Variants in NBL1 observed in about 807,000 individuals in gnomAD.
NBL1 encodes the protein NBL1, DAN family BMP antagonist.
In NBL1, 9 loss-of-function variants were observed where a neutral mutation model predicts 16.0. The observed-to-expected ratio is 0.56, with a 90% CI of 0.34 to 0.98. The LOEUF (loss-of-function observed/expected upper bound fraction) is 0.98, where lower values mean the gene tolerates loss of function less well. NBL1 is among the 50% of genes least tolerant of loss of function. NBL1 has a pLI of 0.02. For synonymous variants in NBL1, 86 were observed against 100.7 expected (o/e 0.85, Z 0.87); for missense variants, 196 against 243.1 (o/e 0.81, Z 1.29).
rs1286374573 is a variant in NBL1, at chr1:19,644,367, C to T, written c.-99C>T. On this transcript the variant is annotated 5_prime_UTR_variant, in exon 1 of 4. Coordinates refer to ENST00000375136, the MANE Select transcript of NBL1 (RefSeq NM_005380.8). This position sits in a 1 kb window ranked among gnomAD's most constrained non-coding sequence, Gnocchi z 4.6. ...GTCGCGGGGCCGCCCCCCGCCCTGCCGGCCGCCTCGCCGAGCCTCCTGGGG... is the reference window on the plus strand; with the variant it reads ...GTCGCGGGGCCGCCCCCCGCCCTGCTGGCCGCCTCGCCGAGCCTCCTGGGG... The T allele has an allele frequency of 7.2e-6, 7 of 978,572 alleles. No individual in the cohort carries two copies. In the South Asian group the frequency reaches 1.9e-4, roughly 26 times the overall value. 60.6% of individuals were successfully genotyped at this position (978,572 alleles called of 1,614,324 possible). A position where few individuals can be genotyped will look rare whatever the true frequency, so the allele number is the denominator to read the frequency against.
In NBL1 at chr1:19,657,020, C is replaced by T; in HGVS notation, c.437C>T (p.Pro146Leu). 1 of 1,571,044 alleles carries T rather than the reference C, an allele frequency of 6.4e-7. No individual in the cohort carries two copies. Among genetic ancestry groups the T allele is most frequent in the Non-Finnish European group, 8.6e-7 (1 of 1,158,786 alleles). ...GGCGAGGACGGGCCGGGATCCCAGC[C>T]CGGCACCCACCCTCACCCCCATCCC... ...VQGEDGPGSQ[P>L]GTHPHPHPHP... Residue 146 changes from proline to leucine, a missense_variant, in exon 4 of 4, where the codon CCC becomes CTC. By Grantham distance (98) the Pro-to-Leu change is moderately conservative. Transcript: ENST00000375136.
intron 1 of NBL1, among the ~76,000 whole-genome samples, chr1:19,653,681 C>T (rs1022149348): frequency 3.2e-4 from 49 of 152,224 alleles, no homozygotes; most frequent in Non-Finnish European, 7.3e-5. Context: ...ACCCAGCACA[C>T]GTGGACCCAT....
rs1346567148 is a variant in NBL1 at position 19,658,205 on chromosome 1, C to T, written c.*1076C>T. 1 of 152,870 alleles carries T rather than the reference C, an allele frequency of 6.5e-6. No individual in the cohort carries two copies. Among genetic ancestry groups the T allele is most frequent in the Non-Finnish European group, 1.5e-5 (1 of 68,234 alleles). 9.5% of individuals were successfully genotyped at this position (152,870 alleles called of 1,614,324 possible). On this transcript the variant is annotated 3_prime_UTR_variant, in exon 4 of 4. Transcript: ENST00000375136. ...GCCTGCCTCCTCCCTCCCAGCTGCACTTTAACCCTAGAAGGTGGGGACCTG... is the reference window on the plus strand; with the variant it reads ...GCCTGCCTCCTCCCTCCCAGCTGCATTTTAACCCTAGAAGGTGGGGACCTG...
chr1:19,655,500 C>T, intron 3 of NBL1, 65 bp downstream of exon 3: 1 of 1,551,362 alleles, frequency 6.4e-7, no homozygotes, highest in Non-Finnish European at 8.8e-7. Flanking sequence ...TGGCCTTTCT[C>T]CCCAGGCTCC....
At chr1:19,652,588 A>C (rs1267575651) in intron 1 of NBL1, among the ~76,000 whole-genome samples, 1 of 151,954 alleles carries the variant, frequency 6.6e-6, no homozygotes, top group Non-Finnish European at 1.5e-5. Flanking sequence ...GAGCTGGGGG[A>C]ACTTGCTGGA....
rs995997738 is a variant in NBL1 at position 19,657,197 on chromosome 1, CAG to C, written c.*69_*70del. 27 of 730,248 alleles carry C rather than the reference CAG, an allele frequency of 3.7e-5. No homozygotes were observed. The Admixed American group carries it at 6.8e-4, about 18-fold the overall frequency. The allele number at this position is 730,248 out of a possible 1,614,324, so 45.2% of individuals were successfully genotyped here. On this transcript the variant is annotated 3_prime_UTR_variant, in exon 4 of 4. Transcript: ENST00000375136. ...GTTGGGTCTCACTCTCTGGGGAAGT[CAG>C]GGGAGAAGCTGAAGCCCCCCTTTGG...
upstream of NBL1, chr1:19,644,185 G>A (rs924136030): frequency 2.6e-5 from 25 of 980,174 alleles, no homozygotes; most frequent in Middle Eastern, 5.2e-4. This position sits in a 1 kb window ranked among gnomAD's most constrained non-coding sequence, Gnocchi z 4.6. Context: ...GGAGGGAGAG[G>A]CCGCGCGCGC....
At chr1:19,646,175 G>A in intron 1 of NBL1, 2 of 1,033,918 alleles carry the variant, frequency 1.9e-6, no homozygotes, top group Admixed American at 2.6e-5. Context: ...CAGTGCTGAA[G>A]GAAGGAAGGA....
At chr1:19,653,941 A>G (rs2095041962) in intron 1 of NBL1, among the ~76,000 whole-genome samples, 1 of 152,178 alleles carries the variant, frequency 6.6e-6, no homozygotes, top group Non-Finnish European at 1.5e-5. Context: ...CAAATGGCCA[A>G]GTGCTTAGCT....
chr1:19,657,004 G>A lies in NBL1; in HGVS notation c.421G>A (p.Gly141Arg), dbSNP rs779977622. The A allele has an allele frequency of 1.1e-5, 17 of 1,591,822 alleles. No individual in the cohort carries two copies. The highest frequency in any genetic ancestry group is 9.4e-5 in the African/African-American group (7 of 74,570). ...GLSVYVQGEDGPGSQPGTHPH... is the reference protein window; with the variant it reads ...GLSVYVQGEDRPGSQPGTHPH... ...GAGCGTCTATGTGCAGGGCGAGGACGGGCCGGGATCCCAGCCCGGCACCCA... is the reference window on the plus strand; with the variant it reads ...GAGCGTCTATGTGCAGGGCGAGGACAGGCCGGGATCCCAGCCCGGCACCCA... The change falls in exon 4 of 4, where the codon GGG becomes AGG. Residue 141 changes from glycine (G) to arginine (R), a missense_variant. By Grantham distance (125) the Gly-to-Arg change is moderately radical (BLOSUM62 -2). Coordinates refer to ENST00000375136, the MANE Select transcript of NBL1 (RefSeq NM_005380.8).
At chr1:19,653,751 C>T (rs1269058524) in intron 1 of NBL1, among the ~76,000 whole-genome samples, 3 of 152,236 alleles carry the variant, frequency 2.0e-5, no homozygotes, top group Non-Finnish European at 4.4e-5. Flanking sequence ...GAAGGCACTG[C>T]CCTCATCTCT....
chr1:19,643,866 G>A, upstream of NBL1: 4 of 991,264 alleles, frequency 4.0e-6, no homozygotes, highest in Non-Finnish European at 4.8e-6. The surrounding 1 kb of genome is among the most constrained non-coding windows in gnomAD (Gnocchi z 4.7). Flanking sequence ...CCCACTCTCG[G>A]GGCAAGTCTG....
intron 1 of NBL1, chr1:19,645,955 G>A (rs2094977080): frequency 6.4e-7 from 1 of 1,550,502 alleles, no homozygotes; most frequent in South Asian, 1.2e-5. Context: ...GAGCAGATGT[G>A]CAGCCTGGCC....
At chr1:19,647,072 T>G (rs1287079008) in intron 1 of NBL1, among the ~76,000 whole-genome samples, 1 of 152,186 alleles carries the variant, frequency 6.6e-6, no homozygotes, top group Non-Finnish European at 1.5e-5. Flanking sequence ...CTCCAGAGAT[T>G]TCCATGTATT....
chr1:19,650,771 AAACAAAAAAGCGTAAACC>A (rs2095019179), intron 1 of NBL1, among the ~76,000 whole-genome samples: 1 of 152,200 alleles, frequency 6.6e-6, no homozygotes, highest in Non-Finnish European at 1.5e-5. Flanking sequence ...CTGCTTGAAA[AAACAAAAAAGCGTAAACC>A]AACAAAAAAG....
intron 1 of NBL1, chr1:19,646,167 G>T: frequency 9.1e-7 from 1 of 1,095,460 alleles, no homozygotes; most frequent in Non-Finnish European, 1.3e-6. Flanking sequence ...GCTCTCCCCA[G>T]TGCTGAAGGA....
At chr1:19,654,967 C>T in intron 1 of NBL1, 45 bp from the exon 2 acceptor site, 1 of 1,519,424 alleles carries the variant, frequency 6.6e-7, no homozygotes. Flanking sequence ...TACCCGGCCC[C>T]CTGCACCTTG....
chr1:19,647,693 G>T (rs2094989793), intron 1 of NBL1: 1 of 985,200 alleles, frequency 1.0e-6, no homozygotes, highest in African/African-American at 1.7e-5. Flanking sequence ...GTCTCCATCA[G>T]CTGGGGCCAA....
At chr1:19,655,486 G>A in intron 3 of NBL1, 51 bp downstream of exon 3, 2 of 1,592,326 alleles carry the variant, frequency 1.3e-6, no homozygotes, top group Non-Finnish European at 8.6e-7. Flanking sequence ...GCCTGCCCCA[G>A]CCTTGGCCTT....
Sources: gnomAD v4.1 joint callset for allele counts (sites outside exome capture counted in the v4.1 genomes callset) on GRCh38, gnomAD v4.1.1 for gene constraint, Gnocchi (gnomAD v3.1) non-coding constraint, MANE v1.5 for transcripts, NCBI Gene and HGNC (gene_info 2026-07-23, HGNC 2026-07-21) for gene names.